The following PAAF1 variants were observed in gnomAD, a reference collection of about 807,000 sequenced individuals.
The protein encoded by PAAF1 is proteasomal ATPase-associated factor 1.
In PAAF1, 46 loss-of-function variants were observed where a neutral mutation model predicts 52.8. The observed-to-expected ratio is 0.87, with a 90% CI of 0.69 to 1.11. PAAF1 has a LOEUF of 1.11. Ranked by LOEUF, PAAF1 falls within the 50% of genes most tolerant of loss-of-function variation. PAAF1 has a pLI of 0.00. For synonymous variants in PAAF1, 178 were observed against 172.8 expected (o/e 1.03, Z -0.24); for missense variants, 424 against 477.4 (o/e 0.89, Z 1.04).
chr11:73,886,332 T>A (rs1460600692), intron 2 of PAAF1, among the ~76,000 whole-genome samples: 1 of 152,240 alleles, frequency 6.6e-6, no homozygotes, highest in African/African-American at 2.4e-5. Context: ...TCTCTACAAA[T>A]GCTGTATCAA....
rs897448311 is a variant in PAAF1, at chr11:73,918,837, T to C, written c.936-113T>C. 5 of 765,926 alleles carry C rather than the reference T, an allele frequency of 6.5e-6. No homozygotes were observed. The African/African-American group carries it at 9.0e-5, about 14-fold the overall frequency. 47.4% of individuals were successfully genotyped at this position (765,926 alleles called of 1,614,324 possible). On this transcript the variant is annotated intron_variant, in intron 9 of 11. Coordinates refer to ENST00000310571, the MANE Select transcript of PAAF1 (RefSeq NM_025155.3). ...AAAGAAACCATAGAAATGTTTAATCTTTCTTCACATTTTATCCTGTTTGCT... is the reference window on the plus strand; with the variant it reads ...AAAGAAACCATAGAAATGTTTAATCCTTCTTCACATTTTATCCTGTTTGCT...
rs1948815693 is a variant in PAAF1, at chr11:73,878,785, T to C, written c.54T>C (p.Asp18=). 1 of 1,613,426 alleles carries C rather than the reference T, an allele frequency of 6.2e-7. No individual in the cohort carries two copies. Among genetic ancestry groups the C allele is most frequent in the Non-Finnish European group, 8.5e-7 (1 of 1,179,634 alleles). ...CTTTTGTCTTTCTTCGTAGGAAGGA[T>C]GAAGGGGAGGCCTGGCTGAGCTGTC... is the stretch of plus-strand genomic sequence containing the variant. ...QSDWAQALRK[D]EGEAWLSCHP... The change falls in exon 2 of 12, where the codon GAT becomes GAC. Residue 18 remains aspartate, a synonymous_variant. Transcript: ENST00000310571.
rs1351812253 is a variant in PAAF1 at position 73,909,576 on chromosome 11, C to T, written c.710C>T (p.Ser237Phe). 4.3e-6 allele frequency: 7 copies of T among 1,614,060 alleles called. No individual in the cohort carries two copies. The highest frequency in any genetic ancestry group is 5.9e-6 in the Non-Finnish European group (7 of 1,179,982). Residue 237 changes from serine to phenylalanine, a missense_variant, in exon 7 of 12, where the codon TCC becomes TTC. Physicochemically the swap from Ser to Phe is radical, Grantham distance 155 (BLOSUM62 -2). Transcript: ENST00000310571. The part of the protein sequence containing the change: ...GAADNSINLG[S>F]PEQMPSEREV... ...GCTGACAACTCCATAAACCTTGGCT[C>T]CCCTGAGCAGATGCCCAGTAAGTTG...
At chr11:73,887,017 C>T (rs1480190036) in intron 2 of PAAF1, 2 of 452,754 alleles carry the variant, frequency 4.4e-6, no homozygotes, top group Non-Finnish European at 4.4e-6. Flanking sequence ...CTCCCCTTCT[C>T]CTTCTGCCAT....
At chr11:73,908,389 A>ATATATATG (rs1554982122) in intron 6 of PAAF1, among the ~76,000 whole-genome samples, 26 of 96,628 alleles carry the variant, frequency 2.7e-4, no homozygotes, top group African/African-American at 1.0e-3. Flanking sequence ...ATATGTGTGT[A>ATATATATG]TATATATATG....
intron 6 of PAAF1, among the ~76,000 whole-genome samples, chr11:73,901,433 T>C (rs1252608357): frequency 6.6e-6 from 1 of 152,188 alleles, no homozygotes; most frequent in Non-Finnish European, 1.5e-5. Flanking sequence ...TAAAAATATG[T>C]GATAATATCC....
intron 7 of PAAF1, among the ~76,000 whole-genome samples, chr11:73,913,378 C>T (rs957822747): frequency 3.3e-5 from 5 of 151,884 alleles, no homozygotes; most frequent in Non-Finnish European, 5.9e-5. Context: ...GCGAATTGCT[C>T]GAGCCCAGGA....
chr11:73,903,544 C>T (rs912356195), intron 6 of PAAF1, among the ~76,000 whole-genome samples: 1 of 151,246 alleles, frequency 6.6e-6, no homozygotes, highest in African/African-American at 2.4e-5. Flanking sequence ...TGGTGAAACC[C>T]AGTCTCTACT....
chr11:73,916,466 T>G (rs118117526), intron 8 of PAAF1, 79 bp from the exon 9 acceptor site: 1 of 842,040 alleles, frequency 1.2e-6, no homozygotes, highest in South Asian at 1.8e-5. Flanking sequence ...ATAGTGAAAT[T>G]TTTCCTTTTT....
At chr11:73,889,066 C>A in intron 3 of PAAF1, 2 of 746,854 alleles carry the variant, frequency 2.7e-6, no homozygotes, top group South Asian at 1.6e-5. Flanking sequence ...GGAATTGAAA[C>A]CCAGTTCTGT....
At chr11:73,914,116 G>T (rs561335715) in intron 7 of PAAF1, among the ~76,000 whole-genome samples, 54 of 152,078 alleles carry the variant, frequency 3.6e-4, no homozygotes, top group African/African-American at 1.3e-3. Flanking sequence ...GATTTACTGA[G>T]GTATCTTTTA....
chr11:73,916,953 A>G lies in PAAF1; in HGVS notation c.935+293A>G, dbSNP rs566735156. On this transcript the variant is annotated intron_variant, in intron 9 of 11. Coordinates refer to ENST00000310571, the MANE Select transcript of PAAF1 (RefSeq NM_025155.3). Reference sequence around the variant, plus strand: ...GATTGTCTAGAACTTTTAATTTTAAAGAGCTCAGTAATTTTCTCTTACATT... The same window carrying G: ...GATTGTCTAGAACTTTTAATTTTAAGGAGCTCAGTAATTTTCTCTTACATT... Among the ~76,000 whole-genome samples, 3 of 152,338 alleles carry G rather than the reference A, an allele frequency of 2.0e-5. No homozygotes were observed. In the East Asian group the frequency reaches 5.8e-4, roughly 29 times the overall value.
At chr11:73,894,965 C>T (rs761453777) in intron 4 of PAAF1, among the ~76,000 whole-genome samples, 1 of 152,188 alleles carries the variant, frequency 6.6e-6, no homozygotes, top group Non-Finnish European at 1.5e-5. Context: ...GGCTGGGTGA[C>T]AGAGTGAGAC....
chr11:73,902,828 C>T (rs1439888529), intron 6 of PAAF1, among the ~76,000 whole-genome samples: 1 of 152,202 alleles, frequency 6.6e-6, no homozygotes, highest in Non-Finnish European at 1.5e-5. Flanking sequence ...TCCCCAGTAA[C>T]TGGGATTACA....
chr11:73,903,022 T>C (rs770051699), intron 6 of PAAF1, among the ~76,000 whole-genome samples: 10 of 152,244 alleles, frequency 6.6e-5, no homozygotes, highest in Non-Finnish European at 1.2e-4. Context: ...AATTTAGATA[T>C]AAGCTTTTAT....
chr11:73,887,090 C>T, intron 2 of PAAF1: 1 of 454,344 alleles, frequency 2.2e-6, no homozygotes, highest in South Asian at 1.7e-5. Flanking sequence ...CTTGTACAGT[C>T]TGCAGAACCG....
chr11:73,919,775 C>G (rs1950160576), intron 10 of PAAF1, among the ~76,000 whole-genome samples: 1 of 152,132 alleles, frequency 6.6e-6, no homozygotes, highest in Admixed American at 6.5e-5. Context: ...GACTATACAG[C>G]CTGGAGGGAC....
intron 9 of PAAF1, among the ~76,000 whole-genome samples, chr11:73,917,681 G>A (rs538147777): frequency 9.2e-5 from 14 of 152,238 alleles, no homozygotes; most frequent in African/African-American, 3.4e-4. Flanking sequence ...AGACCAGCCT[G>A]GCCAACATGG....
At chr11:73,925,169 A>C (rs976190759) in intron 11 of PAAF1, among the ~76,000 whole-genome samples, 37 of 150,946 alleles carry the variant, frequency 2.5e-4, no homozygotes, top group South Asian at 2.1e-4. Flanking sequence ...AAAAAAAAAA[A>C]AAAAAACAAG....
Sources: allele counts gnomAD v4.1 joint callset (sites outside exome capture counted in the v4.1 genomes callset), GRCh38; gene constraint gnomAD v4.1.1; transcripts MANE v1.5; gene names NCBI Gene and HGNC (gene_info 2026-07-23, HGNC 2026-07-21).